SPON1: variants seen among roughly 807,000 people sequenced by gnomAD.
The protein encoded by SPON1 is spondin 1, also known as spondin-1.
In SPON1, 52 loss-of-function variants were observed where a neutral mutation model predicts 111.7. The ratio of observed to expected loss-of-function variants is 0.47; its 90% CI spans 0.37 to 0.59. The LOEUF (loss-of-function observed/expected upper bound fraction) is 0.59, where lower values mean the gene tolerates loss of function less well. SPON1 is among the 20% of genes least tolerant of loss of function. The pLI, the probability that SPON1 is intolerant of heterozygous loss-of-function variation, is 0.00. For missense variants in SPON1, 957 were observed against 1,068.5 expected (o/e 0.90, Z 1.46); for synonymous variants, 410 against 395.8 (o/e 1.04, Z -0.43).
chr11:13,966,677 C>T (rs1848020003), intron 1 of SPON1, among the ~76,000 whole-genome samples: 1 of 152,174 alleles, frequency 6.6e-6, no homozygotes, highest in Non-Finnish European at 1.5e-5. Flanking sequence ...TCCTTTGTCC[C>T]ACACTGAGAC....
At position 14,161,247 on chromosome 11, in the gene SPON1, A is replaced by C. The variant is rs1591394799; in HGVS notation, c.825+25679A>C. On this transcript the variant is annotated intron_variant, in intron 6 of 15. Transcript: ENST00000576479. ...TATATATTTATATATTTATATATCT[A>C]TATATTTATATATTTATATATCTGT... Among the ~76,000 whole-genome samples the C allele has an allele frequency of 1.1e-3, 94 of 87,426 alleles. 1 individual carries two copies. Among genetic ancestry groups the C allele is most frequent in the Middle Eastern group, 5.1e-3 (1 of 196 alleles). The allele number at this position is 87,426 out of a possible 152,430, so 57.4% of individuals were successfully genotyped here. A position where few individuals can be genotyped will look rare whatever the true frequency, so the allele number is the denominator to read the frequency against.
At chr11:13,984,666 A>G (rs961142422) in intron 2 of SPON1, among the ~76,000 whole-genome samples, 2 of 152,166 alleles carry the variant, frequency 1.3e-5, no homozygotes, top group East Asian at 1.9e-4. Flanking sequence ...TTTCCAACAC[A>G]TAAACTTTGG....
At chr11:14,168,327 A>G (rs1388819073) in intron 6 of SPON1, among the ~76,000 whole-genome samples, 1 of 152,170 alleles carries the variant, frequency 6.6e-6, no homozygotes, top group Non-Finnish European at 1.5e-5. Context: ...CTTTATTTCC[A>G]AAAGATTACT....
intron 2 of SPON1, among the ~76,000 whole-genome samples, chr11:14,026,082 C>T (rs566557831): frequency 3.2e-4 from 49 of 152,322 alleles, no homozygotes; most frequent in Non-Finnish European, 5.6e-4. Context: ...AGCCAGCCTC[C>T]GGCTCCCTTC....
chr11:13,970,199 A>T (rs1416897360), intron 1 of SPON1, among the ~76,000 whole-genome samples: 2 of 152,160 alleles, frequency 1.3e-5, no homozygotes, highest in African/African-American at 4.8e-5. Flanking sequence ...CTTTTACAGA[A>T]TGTTTTGGCA....
chr11:14,207,589 G>C (rs191462717), intron 6 of SPON1, among the ~76,000 whole-genome samples: 3 of 152,034 alleles, frequency 2.0e-5, no homozygotes, highest in Non-Finnish European at 4.4e-5. Flanking sequence ...AGACATATGC[G>C]ACTAACAACC....
At chr11:14,087,419 G>A (rs1849015496) in intron 5 of SPON1, among the ~76,000 whole-genome samples, 1 of 152,136 alleles carries the variant, frequency 6.6e-6, no homozygotes, top group Non-Finnish European at 1.5e-5. Context: ...AGTCATCCAG[G>A]AGCAGGTTGT....
chr11:14,082,440 T>C (rs1427327848), intron 5 of SPON1, among the ~76,000 whole-genome samples: 1 of 152,228 alleles, frequency 6.6e-6, no homozygotes, highest in Non-Finnish European at 1.5e-5. Flanking sequence ...TTAAAAGTCT[T>C]TCTTTCCCAC....
chr11:13,980,348 T>C (rs1348470108), intron 1 of SPON1, among the ~76,000 whole-genome samples: 4 of 152,148 alleles, frequency 2.6e-5, no homozygotes, highest in Non-Finnish European at 4.4e-5. Flanking sequence ...GCCCCTTCTT[T>C]CTTTTTTTCT....
intron 6 of SPON1, among the ~76,000 whole-genome samples, chr11:14,240,081 A>G (rs1195835108): frequency 1.3e-5 from 2 of 152,226 alleles, no homozygotes; most frequent in African/African-American, 4.8e-5. Context: ...TATGAAAACA[A>G]CTAAATATTT....
At chr11:14,147,017 C>CT (rs34930543) in intron 6 of SPON1, among the ~76,000 whole-genome samples, 3,543 of 65,062 alleles carry the variant, frequency 0.054, 881 homozygotes, top group Non-Finnish European at 0.075. Flanking sequence ...ATGAAAGAAC[C>CT]TTTTTTTTTT....
At chr11:14,231,324 A>G (rs1554938696) in intron 6 of SPON1, among the ~76,000 whole-genome samples, 3 of 151,778 alleles carry the variant, frequency 2.0e-5, no homozygotes, top group African/African-American at 2.4e-5. Flanking sequence ...TAGTAGAGAC[A>G]GGGTTTTACC....
At chr11:14,173,146 T>A (rs1369424347) in intron 6 of SPON1, among the ~76,000 whole-genome samples, 1 of 152,022 alleles carries the variant, frequency 6.6e-6, no homozygotes, top group Non-Finnish European at 1.5e-5. Context: ...GATGTAGATT[T>A]GGTCTTTTCA....
chr11:14,058,619 A>G (rs1554919514), intron 3 of SPON1, among the ~76,000 whole-genome samples: 2 of 152,164 alleles, frequency 1.3e-5, no homozygotes, highest in Non-Finnish European at 2.9e-5. Context: ...AGGTGAGGCC[A>G]TGGTAAGGAG....
At chr11:14,218,815 C>G (rs1848651219) in intron 6 of SPON1, among the ~76,000 whole-genome samples, 1 of 152,196 alleles carries the variant, frequency 6.6e-6, no homozygotes, top group African/African-American at 2.4e-5. Flanking sequence ...CATTTCTTTT[C>G]TCTGTCATAA....
chr11:14,222,094 C>A (rs1848686857), intron 6 of SPON1, among the ~76,000 whole-genome samples: 1 of 152,226 alleles, frequency 6.6e-6, no homozygotes, highest in African/African-American at 2.4e-5. Flanking sequence ...ACAGGTGATA[C>A]AATGGCCTAA....
rs189859152 is a variant in SPON1 at position 14,046,804 on chromosome 11, A to G, written c.479+5150A>G. 2.0e-5 allele frequency among the ~76,000 whole-genome samples: 3 copies of G among 152,348 alleles called. No homozygotes were observed. In the East Asian group the frequency reaches 5.8e-4, roughly 29 times the overall value. ...TGCACTGAATTAATAGTTTCCCAGA[A>G]TACATAAGATGCATTCTCAGTCAAA... On this transcript the variant is annotated intron_variant, in intron 3 of 15. Coordinates refer to ENST00000576479, the MANE Select transcript of SPON1 (RefSeq NM_006108.4).
rs117847651 is a variant in SPON1 at position 14,129,991 on chromosome 11, C to T, written c.677-5429C>T. 2.0e-4 allele frequency among the ~76,000 whole-genome samples: 31 copies of T among 152,280 alleles called. No individual in the cohort carries two copies. The East Asian group carries it at 5.8e-3, about 28-fold the overall frequency. ...GGAAACTGCTTTCATGACCTCCCACCAAATCTCTCCTGTGACATGTGGGAA... is the reference window on the plus strand; with the variant it reads ...GGAAACTGCTTTCATGACCTCCCACTAAATCTCTCCTGTGACATGTGGGAA... On this transcript the variant is annotated intron_variant, in intron 5 of 15. Transcript: ENST00000576479.
chr11:13,975,541 T>C (rs1244955865), intron 1 of SPON1, among the ~76,000 whole-genome samples: 6 of 152,192 alleles, frequency 3.9e-5, no homozygotes, highest in South Asian at 2.1e-4. Context: ...ATTTAACAAA[T>C]AGTTTCATAA....
Sources: gnomAD v4.1 joint callset for allele counts (sites outside exome capture counted in the v4.1 genomes callset) on GRCh38, gnomAD v4.1.1 for gene constraint, MANE v1.5 for transcripts, NCBI Gene and HGNC (gene_info 2026-07-23, HGNC 2026-07-21) for gene names.